Variants in GLI2 observed in about 807,000 individuals in gnomAD.
The protein encoded by GLI2 is transcription activator GLI2.
Under a neutral mutation model 78.9 loss-of-function variants are expected in GLI2, and 22 were observed. The ratio of observed to expected loss-of-function variants is 0.28; its 90% CI spans 0.20 to 0.40. The LOEUF is 0.40. Ranked by LOEUF, GLI2 falls within the 10% of genes least tolerant of loss-of-function variation. The probability of loss-of-function intolerance (pLI) is 1.00; values close to 1 mark genes in which losing one functional copy is unlikely to be tolerated. For synonymous variants in GLI2, 974 were observed against 963.7 expected (o/e 1.01, Z -0.20); for missense variants, 2,097 against 2,213.2 (o/e 0.95, Z 1.05).
At chr2:120,943,161 G>A (rs1319793753) in intron 3 of GLI2, among the ~76,000 whole-genome samples, 1 of 152,234 alleles carries the variant, frequency 6.6e-6, no homozygotes, top group African/African-American at 2.4e-5. Context: ...CAGGTCAGAG[G>A]AAGGAGCCAC....
intron 3 of GLI2, among the ~76,000 whole-genome samples, chr2:120,947,895 G>A (rs189431936): frequency 6.6e-6 from 1 of 152,312 alleles, no homozygotes; most frequent in Admixed American, 6.5e-5. Context: ...CTTCAGGCCC[G>A]GCACTGCAGC....
At chr2:120,842,386 T>G (rs1404004360) in intron 2 of GLI2, among the ~76,000 whole-genome samples, 2 of 152,240 alleles carry the variant, frequency 1.3e-5, no homozygotes, top group Admixed American at 6.5e-5. Context: ...ATCTTGGAAA[T>G]TGGTCCATAT....
chr2:120,990,541 C>G lies in GLI2; in HGVS notation c.4576C>G (p.Arg1526Gly). Reference protein sequence around the residue: ...LLHSLSQNSSRLTTPRNSLTL... With the variant: ...LLHSLSQNSSGLTTPRNSLTL... ...CCACAGCCTCTCCCAGAACTCCTCC[C>G]GCCTCACCACCCCCCGAAACTCCTT... The change falls in exon 14 of 14, where the codon CGC becomes GGC. Residue 1526 changes from arginine to glycine, a missense_variant. Arg to Gly is a moderately radical substitution (Grantham distance 125). Transcript: ENST00000361492. 6 of 1,614,126 alleles carry G rather than the reference C, an allele frequency of 3.7e-6. No homozygotes were observed. Among genetic ancestry groups the G allele is most frequent in the Non-Finnish European group, 5.1e-6 (6 of 1,180,030 alleles).
chr2:120,922,153 C>T (rs889190618), intron 2 of GLI2, among the ~76,000 whole-genome samples: 2 of 152,190 alleles, frequency 1.3e-5, no homozygotes, highest in African/African-American at 2.4e-5. Flanking sequence ...AGAACAGTGC[C>T]TGCCACATAG....
At chr2:120,977,476 A>G (rs1436582856) in intron 9 of GLI2, among the ~76,000 whole-genome samples, 2 of 152,052 alleles carry the variant, frequency 1.3e-5, no homozygotes, top group African/African-American at 4.8e-5. Flanking sequence ...GGCCAGCCAC[A>G]TTTCAAGTGT....
At chr2:120,944,056 C>T (rs1680589584) in intron 3 of GLI2, among the ~76,000 whole-genome samples, 1 of 152,194 alleles carries the variant, frequency 6.6e-6, no homozygotes, top group Non-Finnish European at 1.5e-5. Context: ...GTACACATCC[C>T]CCATCATTCT....
At chr2:120,979,989 G>T (rs1292521977) in intron 10 of GLI2, among the ~76,000 whole-genome samples, 1 of 152,146 alleles carries the variant, frequency 6.6e-6, no homozygotes, top group Non-Finnish European at 1.5e-5. Context: ...TTCTTTTTGT[G>T]GCTGCATAAT....
chr2:120,755,613 C>T (rs1299516557), intron 1 of GLI2, among the ~76,000 whole-genome samples: 1 of 151,942 alleles, frequency 6.6e-6, no homozygotes, highest in African/African-American at 2.4e-5. Flanking sequence ...TCAAATTTTT[C>T]TTGTATATAT....
chr2:120,873,315 G>A (rs746543193), intron 2 of GLI2, among the ~76,000 whole-genome samples: 4 of 152,126 alleles, frequency 2.6e-5, no homozygotes, highest in Non-Finnish European at 5.9e-5. Flanking sequence ...AAATTTAAAA[G>A]ATATTTTAAA....
chr2:120,772,174 C>T (rs944025514), intron 1 of GLI2, among the ~76,000 whole-genome samples: 20 of 152,218 alleles, frequency 1.3e-4, no homozygotes, highest in African/African-American at 4.1e-4. Context: ...GGGAGAAGCA[C>T]TGTGATTGAT....
At chr2:120,971,875 CA>C (rs1423502720) in intron 7 of GLI2, 65 bp from the exon 8 acceptor site, 9 of 1,500,852 alleles carry the variant, frequency 6.0e-6, no homozygotes, top group African/African-American at 1.4e-5. Flanking sequence ...AGTTAAAGTC[CA>C]AAAAAATTTG....
At chr2:120,802,602 T>C (rs1177493884) in intron 2 of GLI2, among the ~76,000 whole-genome samples, 1 of 152,268 alleles carries the variant, frequency 6.6e-6, no homozygotes, top group East Asian at 1.9e-4. Flanking sequence ...CTGTGGGTTC[T>C]CTTTCAAAAA....
At chr2:120,821,086 G>A (rs1685749019) in intron 2 of GLI2, among the ~76,000 whole-genome samples, 1 of 152,156 alleles carries the variant, frequency 6.6e-6, no homozygotes, top group Admixed American at 6.5e-5. Flanking sequence ...CTAAGCCTGG[G>A]ATGATCTGCT....
intron 2 of GLI2, among the ~76,000 whole-genome samples, chr2:120,865,923 A>G (rs1011762436): frequency 6.6e-6 from 1 of 152,240 alleles, no homozygotes; most frequent in Non-Finnish European, 1.5e-5. Flanking sequence ...AGGGAAGAGC[A>G]GGCCATTTCC....
At chr2:120,742,426 G>GT (rs978007126) in intron 1 of GLI2, among the ~76,000 whole-genome samples, 1 of 152,192 alleles carries the variant, frequency 6.6e-6, no homozygotes, top group African/African-American at 2.4e-5. Context: ...ATAAGGAACT[G>GT]TAAGGGCCGC....
In GLI2 at chr2:120,980,116, G is replaced by A. The variant is rs115250190; in HGVS notation, c.1467+1533G>A. On this transcript the variant is annotated intron_variant, in intron 10 of 13. Coordinates refer to ENST00000361492, the MANE Select transcript of GLI2 (RefSeq NM_001374353.1). ...TGCTGCTATGAACATGTGCGTTCAT[G>A]TTTTTATATGGACAGAACGTTTTCA... Among the ~76,000 whole-genome samples the A allele has an allele frequency of 6.3e-3, 956 of 152,322 alleles. 7 individuals carry two copies. Among genetic ancestry groups the A allele is most frequent in the African/African-American group, 0.022 (903 of 41,568 alleles).
intron 3 of GLI2, among the ~76,000 whole-genome samples, chr2:120,949,018 C>A (rs1680854555): frequency 6.6e-6 from 1 of 152,140 alleles, no homozygotes; most frequent in Non-Finnish European, 1.5e-5. Flanking sequence ...GGTCTGCCCC[C>A]AGGAGCCATA....
In GLI2 at chr2:120,989,370, C is replaced by T. The variant is rs753450963; in HGVS notation, c.3405C>T (p.Gly1135=). The change falls in exon 14 of 14, where the codon GGC becomes GGT. Residue 1135 remains glycine (G), a synonymous_variant. Transcript: ENST00000361492. ...TGCAGTGGAATGAGGTGAGCTCCGG[C>T]ACCGTAGACGCCCTGGCCAGCCAGG... ...MPVQWNEVSS[G]TVDALASQVK... The T allele has an allele frequency of 8.1e-6, 13 of 1,612,890 alleles. No homozygotes were observed. The African/African-American group carries it at 1.7e-4, about 22-fold the overall frequency.
chr2:120,824,015 G>C (rs889305312), intron 2 of GLI2, among the ~76,000 whole-genome samples: 1 of 152,200 alleles, frequency 6.6e-6, no homozygotes, highest in Admixed American at 6.5e-5. Flanking sequence ...ATTCTATGGT[G>C]AATTAACTTT....
Sources: gnomAD v4.1 joint callset for allele counts (sites outside exome capture counted in the v4.1 genomes callset) on GRCh38, gnomAD v4.1.1 for gene constraint, MANE v1.5 for transcripts, NCBI Gene and HGNC (gene_info 2026-07-23, HGNC 2026-07-21) for gene names.